The following ASPM variants were observed in gnomAD, a reference collection of about 807,000 sequenced individuals.
ASPM encodes the protein assembly factor for spindle microtubules.
In ASPM, 256 loss-of-function variants were observed where a neutral mutation model predicts 366.4. The observed-to-expected ratio is 0.70, with a 90% CI of 0.63 to 0.77. The LOEUF (loss-of-function observed/expected upper bound fraction) is 0.77, where lower values mean the gene tolerates loss of function less well. Among genes scored for constraint, ASPM ranks in the 30% least tolerant of loss-of-function variants. The pLI is 0.00. For missense variants in ASPM, 4,146 were observed against 4,090.4 expected (o/e 1.01, Z -0.37); for synonymous variants, 1,414 against 1,342.9 (o/e 1.05, Z -1.16).
Position 197,086,810 on chromosome 1 carries a change from C to T in ASPM, c.10324G>A (p.Val3442Ile). The change falls in exon 27 of 28, where the codon GTT becomes ATT. Residue 3442 changes from valine (V) to isoleucine (I), a missense_variant. By Grantham distance (29) the Val-to-Ile change is conservative (BLOSUM62 3). Around this residue, in one of 3 missense-constraint regions of ASPM, gnomAD observed 3,624 missense variants for 3,591.7 expected, o/e 1.01. Coordinates refer to ENST00000367409, the MANE Select transcript of ASPM (RefSeq NM_018136.5). ...CTATATTTAATTGCTTACCTTGAAA[C>T]TATTCTGGTCCTTACAGGTGTTTCT... is the stretch of plus-strand genomic sequence containing the variant. ...IPETPVRTRI[V>I]SRLKPDWVLR... 2 of 1,607,230 alleles carry T rather than the reference C, an allele frequency of 1.2e-6. No homozygotes were observed. Among genetic ancestry groups the T allele is most frequent in the Non-Finnish European group, 8.5e-7 (1 of 1,174,218 alleles).
chr1:197,115,296 C>CTTCTAA (rs1222060129), intron 17 of ASPM, among the ~76,000 whole-genome samples: 1 of 152,190 alleles, frequency 6.6e-6, no homozygotes, highest in African/African-American at 2.4e-5. Context: ...TCAGGCACCA[C>CTTCTAA]TTCTAATTCT....
At chr1:197,120,105 T>C (rs1466579044) in intron 16 of ASPM, among the ~76,000 whole-genome samples, 1 of 152,076 alleles carries the variant, frequency 6.6e-6, no homozygotes, top group Non-Finnish European at 1.5e-5. Flanking sequence ...ACCATAAGTA[T>C]AGAAACTTCT....
At chr1:197,129,774 G>A (rs1436471029) in intron 8 of ASPM, 141 bp downstream of exon 8, 1 of 934,562 alleles carries the variant, frequency 1.1e-6, no homozygotes, top group Non-Finnish European at 1.7e-6. Flanking sequence ...AATGAGGGTG[G>A]AGGAAGGGAG....
chr1:197,106,239 GT>G (rs1657405728), intron 17 of ASPM, among the ~76,000 whole-genome samples: 1 of 151,816 alleles, frequency 6.6e-6, no homozygotes, highest in Non-Finnish European at 1.5e-5. Flanking sequence ...GTTACCTGAG[GT>G]TTTGTTCATA....
chr1:197,137,191 A>T (rs1571625879), intron 4 of ASPM, among the ~76,000 whole-genome samples: 1 of 152,352 alleles, frequency 6.6e-6, no homozygotes, highest in South Asian at 2.1e-4. Flanking sequence ...GTTCAGAAGC[A>T]GTAAGAAGTC....
intron 16 of ASPM, among the ~76,000 whole-genome samples, chr1:197,119,714 C>A (rs1473518840): frequency 6.6e-6 from 1 of 152,032 alleles, no homozygotes; most frequent in African/African-American, 2.4e-5. Context: ...GGGCCAAATT[C>A]TAGGACTTCT....
Position 197,139,699 on chromosome 1 carries a change from T to A in ASPM, c.2026+68A>T, listed in dbSNP as rs565736392. On this transcript the variant is annotated intron_variant, in intron 4 of 27. Transcript: ENST00000367409. ...AACAACAAAAATCAATTCATTTCCA[T>A]GTGAAATGCAATTAATGCTTCATTC... 20 of 1,181,260 alleles carry A rather than the reference T, an allele frequency of 1.7e-5. 1 individual carries two copies. The African/African-American group carries it at 2.1e-4, about 12-fold the overall frequency. The allele number at this position is 1,181,260 out of a possible 1,614,324, so 73.2% of individuals were successfully genotyped here. A position where few individuals can be genotyped will look rare whatever the true frequency, so the allele number is the denominator to read the frequency against.
rs769031994 is a variant in ASPM, at chr1:197,101,320, T to C, written c.7931A>G (p.Tyr2644Cys). The change falls in exon 18 of 28, where the codon TAT (tyrosine) becomes TGT (cysteine). Residue 2644 changes from tyrosine to cysteine, a missense_variant. By Grantham distance (194) the Tyr-to-Cys change is radical. Around this residue, in one of 3 missense-constraint regions of ASPM, gnomAD observed 3,624 missense variants for 3,591.7 expected, o/e 1.01. Coordinates refer to ENST00000367409, the MANE Select transcript of ASPM (RefSeq NM_018136.5). ...HCKAFKIRKH[Y>C]LHLRATVVSI... is the part of the protein sequence containing the mutation. ...AACTACTGTTGCTCTAAGGTGGAGA[T>C]AATGCTTCCTTATTTTAAAGGCTTT... 1.9e-6 allele frequency: 3 copies of C among 1,611,626 alleles called. No individual in the cohort carries two copies. Among genetic ancestry groups the C allele is most frequent in the Non-Finnish European group, 2.5e-6 (3 of 1,178,876 alleles).
intron 17 of ASPM, among the ~76,000 whole-genome samples, chr1:197,106,827 A>G (rs1046697812): frequency 6.6e-6 from 1 of 152,134 alleles, no homozygotes; most frequent in East Asian, 1.9e-4. Context: ...AACTTTTTGC[A>G]AAGTCCCACA....
At chr1:197,089,826 T>C (rs1656718351) in intron 25 of ASPM, 104 bp downstream of exon 25, 2 of 1,130,274 alleles carry the variant, frequency 1.8e-6, no homozygotes, top group Non-Finnish European at 1.3e-6. Context: ...CATAAATGAA[T>C]TTAACTTAGA....
chr1:197,102,390 T>C lies in ASPM; in HGVS notation c.6861A>G (p.Lys2287=). 6.2e-7 allele frequency: 1 copy of C among 1,612,816 alleles called. No individual in the cohort carries two copies. The highest frequency in any genetic ancestry group is 8.5e-7 in the Non-Finnish European group (1 of 1,179,278). ...MMRRRFLSLK[K]TAILIQRKYR... is the part of the protein sequence containing the mutation. The stretch of plus-strand genomic sequence containing the variant: ...ATTTTCTCTGAATCAAAATAGCAGT[T>C]TTCTTGAGAGAGAGGAATCTTCTTC... Residue 2287 remains lysine (K), a synonymous_variant, in exon 18 of 28, where the codon AAA becomes AAG. Coordinates refer to ENST00000367409, the MANE Select transcript of ASPM (RefSeq NM_018136.5).
chr1:197,124,537 A>G (rs1277145257), intron 12 of ASPM, among the ~76,000 whole-genome samples: 1 of 151,638 alleles, frequency 6.6e-6, no homozygotes. Context: ...GGCAAACACC[A>G]TCTACACTGA....
intron 1 of ASPM, among the ~76,000 whole-genome samples, chr1:197,144,979 A>G (rs1157602019): frequency 6.6e-6 from 1 of 152,206 alleles, no homozygotes; most frequent in Non-Finnish European, 1.5e-5. Context: ...ATAACAAAAA[A>G]GAGTAAGTTG....
At position 197,085,867 on chromosome 1, in the gene ASPM, T is replaced by C. The variant is rs952291470; in HGVS notation, c.10331+936A>G. ...ATTTGTCAAAACGAATTGAATTGCA[T>C]ACATTTAAAGGATGCATTTATACTG... On this transcript the variant is annotated intron_variant, in intron 27 of 27. Transcript: ENST00000367409. Among the ~76,000 whole-genome samples, 14 of 152,170 alleles carry C rather than the reference T, an allele frequency of 9.2e-5. No individual in the cohort carries two copies. In the South Asian group the frequency reaches 2.5e-3, roughly 27 times the overall value.
In ASPM at chr1:197,117,918, C is replaced by A. The variant is rs1260401433; in HGVS notation, c.3936G>T (p.Leu1312Phe). 1.2e-6 allele frequency: 2 copies of A among 1,613,422 alleles called. No individual in the cohort carries two copies. ...CGAGTGCTGCATTAACTCTTTTTCT[C>A]AATCTTTGTTTTGCTAGAAAATTGA... is the stretch of plus-strand genomic sequence containing the variant. ...AVINFLAKQRLRKRVNAALVI... is the reference protein window; with the variant it reads ...AVINFLAKQRFRKRVNAALVI... The change falls in exon 17 of 28, where the codon TTG (leucine) becomes TTT (phenylalanine). Residue 1312 changes from leucine (L) to phenylalanine (F), a missense_variant. Leu to Phe is a conservative substitution (Grantham distance 22). This residue lies in a region of ASPM where 3,624 missense variants were observed against 3,591.7 expected (regional missense o/e 1.01). Transcript: ENST00000367409.
At position 197,103,677 on chromosome 1, in the gene ASPM, G is replaced by C; in HGVS notation, c.5574C>G (p.Tyr1858Ter). The C allele has an allele frequency of 6.2e-7, 1 of 1,612,804 alleles. No homozygotes were observed. Among genetic ancestry groups the C allele is most frequent in the Non-Finnish European group, 8.5e-7 (1 of 1,179,354 alleles). The change falls in exon 18 of 28, where the codon TAC (tyrosine) becomes TAG (stop). Residue 1858 changes from tyrosine to a stop codon, truncating the protein, a stop_gained. Transcript: ENST00000367409. LOFTEE classifies it high-confidence loss of function. ...LQSIIKIQRWYRAYKTLHDTR... is the reference protein window; with the variant it reads ...LQSIIKIQRW ...TATCATGAAGAGTCTTGTACGCCCT[G>C]TACCATCTCTGAATCTTTATTATAG...
At position 197,101,310 on chromosome 1, in the gene ASPM, A is replaced by T; in HGVS notation, c.7941T>A (p.Leu2647=). 6.2e-7 allele frequency: 1 copy of T among 1,611,824 alleles called. No homozygotes were observed. The highest frequency in any genetic ancestry group is 8.5e-7 in the Non-Finnish European group (1 of 1,178,908). The part of the protein sequence containing the change: ...AFKIRKHYLH[L]RATVVSIQRR... ...TTTGAATAGAAACTACTGTTGCTCT[A>T]AGGTGGAGATAATGCTTCCTTATTT... The change falls in exon 18 of 28, where the codon CTT becomes CTA. Residue 2647 remains leucine, a synonymous_variant. Transcript: ENST00000367409.
At position 197,143,138 on chromosome 1, in the gene ASPM, T is replaced by C. The variant is rs867399550; in HGVS notation, c.1114A>G (p.Ile372Val). Residue 372 changes from isoleucine (I) to valine (V), a missense_variant, in exon 3 of 28, where the codon ATA becomes GTA. Physicochemically the swap from Ile to Val is conservative, Grantham distance 29 (BLOSUM62 3). Around this residue, in one of 3 missense-constraint regions of ASPM, gnomAD observed 512 missense variants for 471.7 expected, o/e 1.09. Coordinates refer to ENST00000367409, the MANE Select transcript of ASPM (RefSeq NM_018136.5). ...TGATTTAGTCCATAATTATCTTTTA[T>C]GAAAGAATCTGGACTTAAAATTTTC... ...YQKILSPDSF[I>V]KDNYGLNQDL... 6.2e-7 allele frequency: 1 copy of C among 1,612,902 alleles called. No homozygotes were observed. The highest frequency in any genetic ancestry group is 1.7e-5 in the Admixed American group (1 of 59,966).
At chr1:197,100,186 T>A (rs914088837) in intron 18 of ASPM, among the ~76,000 whole-genome samples, 11 of 151,686 alleles carry the variant, frequency 7.3e-5, no homozygotes, top group African/African-American at 2.4e-4. Flanking sequence ...GTGCTACAAT[T>A]AACCCATACT....
Sources: allele counts gnomAD v4.1 joint callset (sites outside exome capture counted in the v4.1 genomes callset), GRCh38; gene constraint gnomAD v4.1.1; regional missense constraint gnomAD v4.1.1; transcripts MANE v1.5; gene names NCBI Gene and HGNC (gene_info 2026-07-23, HGNC 2026-07-21).